Variants in SNX31 observed in about 807,000 individuals in gnomAD.
SNX31 encodes the protein sorting nexin 31, also known as sorting nexin-31.
In SNX31, 58 loss-of-function variants were observed where a neutral mutation model predicts 65.4. The observed-to-expected ratio is 0.89, with a 90% CI of 0.72 to 1.10. The LOEUF (loss-of-function observed/expected upper bound fraction) is 1.10, where lower values mean the gene tolerates loss of function less well. Among genes scored for constraint, SNX31 ranks in the 50% least tolerant of loss-of-function variants. The probability of loss-of-function intolerance (pLI) is 0.00; values close to 1 mark genes in which losing one functional copy is unlikely to be tolerated. For missense variants in SNX31, 523 were observed against 529.7 expected (o/e 0.99, Z 0.12); for synonymous variants, 181 against 190.1 (o/e 0.95, Z 0.39).
intron 9 of SNX31, among the ~76,000 whole-genome samples, chr8:100,599,529 C>T (rs1393199135): frequency 1.3e-5 from 2 of 151,242 alleles, no homozygotes; most frequent in Non-Finnish European, 2.9e-5. Context: ...GCAGTATGTG[C>T]CTTTCCTTTT....
chr8:100,591,338 G>A (rs1374846223), intron 10 of SNX31, among the ~76,000 whole-genome samples: 2 of 152,072 alleles, frequency 1.3e-5, no homozygotes, highest in African/African-American at 4.8e-5. Context: ...AGATTACTCT[G>A]CAACTTCATC....
upstream of SNX31, among the ~76,000 whole-genome samples, chr8:100,651,299 T>C (rs7828674): frequency 0.47 from 70,812 of 152,046 alleles, 16,824 homozygotes; most frequent in African/African-American, 0.54. Flanking sequence ...AGGCCAGGGG[T>C]ATTCCTGAGT....
intron 4 of SNX31, among the ~76,000 whole-genome samples, chr8:100,624,103 C>A (rs1258394751): frequency 6.6e-6 from 1 of 152,016 alleles, no homozygotes; most frequent in Non-Finnish European, 1.5e-5. Flanking sequence ...AGAAGTGACA[C>A]AAGAAAGCTG....
upstream of SNX31, among the ~76,000 whole-genome samples, chr8:100,650,139 T>A (rs1703000522): frequency 6.6e-6 from 1 of 152,232 alleles, no homozygotes; most frequent in African/African-American, 2.4e-5. Context: ...TGCATTCACA[T>A]AAACACTTGG....
intron 9 of SNX31, among the ~76,000 whole-genome samples, chr8:100,598,196 T>C (rs1373673530): frequency 6.6e-6 from 1 of 152,186 alleles, no homozygotes; most frequent in Non-Finnish European, 1.5e-5. Context: ...TGCCAGCTCA[T>C]TGTGCTATGG....
At chr8:100,620,104 T>C (rs1817574710) in intron 4 of SNX31, 1 of 152,176 alleles carries the variant, frequency 6.6e-6, no homozygotes, top group African/African-American at 2.4e-5. Context: ...GTTACACGGG[T>C]TTATTGCGTG....
chr8:100,574,940 A>G (rs1415403017), intron 13 of SNX31, among the ~76,000 whole-genome samples: 1 of 152,164 alleles, frequency 6.6e-6, no homozygotes, highest in Non-Finnish European at 1.5e-5. Flanking sequence ...TCTCATTAGA[A>G]AAAAAAAGTG....
upstream of SNX31, among the ~76,000 whole-genome samples, chr8:100,650,359 C>A (rs192809988): frequency 1.3e-5 from 2 of 152,308 alleles, no homozygotes; most frequent in African/African-American, 4.8e-5. Flanking sequence ...CTCCTTTAAT[C>A]TACCCGTAAC....
upstream of SNX31, chr8:100,649,764 G>T: frequency 2.4e-6 from 1 of 424,018 alleles, no homozygotes; most frequent in Non-Finnish European, 4.2e-6. Flanking sequence ...GGGCTGGGGC[G>T]CATCCACGGC....
rs971356937 is a variant in SNX31 at position 100,630,057 on chromosome 8, T to C, written c.321+270A>G. Among the ~76,000 whole-genome samples, 4 of 152,342 alleles carry C rather than the reference T, an allele frequency of 2.6e-5. No individual in the cohort carries two copies. Among genetic ancestry groups the C allele is most frequent in the East Asian group, 3.9e-4 (2 of 5,190 alleles). Reference sequence around the variant, plus strand: ...CTCTTCTTCATGTCCTGTTTTGAGATGTATGATTCTTAGGCTACAGAAAAA... The same window carrying C: ...CTCTTCTTCATGTCCTGTTTTGAGACGTATGATTCTTAGGCTACAGAAAAA... On this transcript the variant is annotated intron_variant, in intron 4 of 13. Coordinates refer to ENST00000311812, the MANE Select transcript of SNX31 (RefSeq NM_152628.4). The surrounding 1 kb of genome is among the most constrained non-coding windows in gnomAD (Gnocchi z 5.3).
At chr8:100,593,390 C>T (rs973128379) in intron 10 of SNX31, among the ~76,000 whole-genome samples, 5 of 152,100 alleles carry the variant, frequency 3.3e-5, no homozygotes, top group African/African-American at 9.7e-5. Flanking sequence ...GCAACTGGAC[C>T]TCCAGAGGCA....
chr8:100,602,820 C>T (rs940408380), intron 8 of SNX31, among the ~76,000 whole-genome samples: 3 of 152,138 alleles, frequency 2.0e-5, no homozygotes, highest in Non-Finnish European at 4.4e-5. Context: ...GAATGGCATG[C>T]AATTTAAAAC....
chr8:100,646,865 C>T (rs753180800), intron 2 of SNX31, among the ~76,000 whole-genome samples: 8 of 152,180 alleles, frequency 5.3e-5, no homozygotes, highest in African/African-American at 1.2e-4. Flanking sequence ...ATTTTATCAA[C>T]GTTAGAAAGA....
At position 100,577,040 on chromosome 8, in the gene SNX31, T is replaced by A. The variant is rs950802908; in HGVS notation, c.1206A>T (p.Lys402Asn). 2.5e-6 allele frequency: 4 copies of A among 1,613,710 alleles called. No homozygotes were observed. The highest frequency in any genetic ancestry group is 2.2e-5 in the South Asian group (2 of 91,024). ...IEVPEQSKSK[K>N]YHIQQSQQKD... ...AGACCTGGCTTTGTTGAATGTGGTA[T>A]TTTTTACTTTTGCTTTGTTCCGGAA... Residue 402 changes from lysine (K) to asparagine (N), a missense_variant, in exon 13 of 14, where the codon AAA becomes AAT. Lys to Asn is a moderately conservative substitution (Grantham distance 94). Transcript: ENST00000311812.
Position 100,622,438 on chromosome 8 carries a change from G to A in SNX31, c.322-4708C>T, listed in dbSNP as rs559796771. On this transcript the variant is annotated intron_variant, in intron 4 of 13. Coordinates refer to ENST00000311812, the MANE Select transcript of SNX31 (RefSeq NM_152628.4). The surrounding 1 kb of genome is among the most constrained non-coding windows in gnomAD (Gnocchi z 5.0). ...CAGCTGAGGTAGGTGGGTCATTTGAGGTCAGGAGTTCGAGACCAGCCTGGC... is the reference window on the plus strand; with the variant it reads ...CAGCTGAGGTAGGTGGGTCATTTGAAGTCAGGAGTTCGAGACCAGCCTGGC... 1.5e-3 allele frequency among the ~76,000 whole-genome samples: 225 copies of A among 152,258 alleles called. No individual in the cohort carries two copies. The highest frequency in any genetic ancestry group is 4.9e-3 in the African/African-American group (202 of 41,538).
At chr8:100,657,764 G>A in intron 1 of SNX31, 1 of 452,102 alleles carries the variant, frequency 2.2e-6, no homozygotes, top group Non-Finnish European at 4.4e-6. Context: ...TGGACTACTT[G>A]GGAGGCTGAG....
chr8:100,600,776 G>A (rs1041482890), intron 8 of SNX31, among the ~76,000 whole-genome samples: 2 of 151,968 alleles, frequency 1.3e-5, no homozygotes, highest in South Asian at 2.1e-4. Flanking sequence ...CTTGAGGTAG[G>A]GAATATCTTT....
At chr8:100,627,846 CA>C (rs559220013) in intron 4 of SNX31, among the ~76,000 whole-genome samples, 112 of 151,838 alleles carry the variant, frequency 7.4e-4, no homozygotes, top group Non-Finnish European at 1.3e-3. Flanking sequence ...CATTAAAAAG[CA>C]AGGGCTAATA....
chr8:100,640,604 A>G (rs1182378119), intron 2 of SNX31, among the ~76,000 whole-genome samples: 1 of 152,210 alleles, frequency 6.6e-6, no homozygotes, highest in South Asian at 2.1e-4. Flanking sequence ...ATGAAGACCA[A>G]CATCAAGAGT....
Sources: gnomAD v4.1 joint callset for allele counts (sites outside exome capture counted in the v4.1 genomes callset) on GRCh38, gnomAD v4.1.1 for gene constraint, Gnocchi (gnomAD v3.1) non-coding constraint, MANE v1.5 for transcripts, NCBI Gene and HGNC (gene_info 2026-07-23, HGNC 2026-07-21) for gene names.